JAKMIP3: variants seen among roughly 807,000 people sequenced by gnomAD.
JAKMIP3 encodes janus kinase and microtubule-interacting protein 3.
Under a neutral mutation model 118.5 loss-of-function variants are expected in JAKMIP3, and 58 were observed. That is an observed-to-expected ratio of 0.49 (90% confidence interval 0.40 to 0.61). The LOEUF (loss-of-function observed/expected upper bound fraction) is 0.61, where lower values mean the gene tolerates loss of function less well. JAKMIP3 is among the 20% of genes least tolerant of loss of function. JAKMIP3 has a pLI of 0.00. For synonymous variants in JAKMIP3, 486 were observed against 451.2 expected (o/e 1.08, Z -0.98); for missense variants, 950 against 1,109.0 (o/e 0.86, Z 2.04).
At chr10:132,089,382 G>A (rs561966232) in intron 1 of JAKMIP3, among the ~76,000 whole-genome samples, 1 of 151,970 alleles carries the variant, frequency 6.6e-6, no homozygotes, top group Admixed American at 6.6e-5. Context: ...CTTTTATTTT[G>A]TTGAGCAGTG....
intron 1 of JAKMIP3, among the ~76,000 whole-genome samples, chr10:132,068,775 G>A (rs1213202596): frequency 6.6e-6 from 1 of 152,140 alleles, no homozygotes; most frequent in African/African-American, 2.4e-5. Context: ...GATTGCCTTG[G>A]GTTTTTGACC....
In JAKMIP3 at chr10:132,142,002, TGCAGGA is replaced by T; in HGVS notation, c.1562_1567del (p.Glu521_Gln522del). 1 of 1,608,634 alleles carries T rather than the reference TGCAGGA, an allele frequency of 6.2e-7. No individual in the cohort carries two copies. Among genetic ancestry groups the T allele is most frequent in the Non-Finnish European group, 8.5e-7 (1 of 1,177,732 alleles). On this transcript the variant is annotated inframe_deletion, in exon 11 of 24. Coordinates refer to ENST00000684848, the MANE Select transcript of JAKMIP3 (RefSeq NM_001323087.2). ...GCCCTGCAGCGTGCCTACGCTTTGT[TGCAGGA>T]GCAGGTTGGAGGGACGCTGGACGCA...
At chr10:132,121,442 C>T (rs371568975) in intron 3 of JAKMIP3, among the ~76,000 whole-genome samples, 1 of 152,212 alleles carries the variant, frequency 6.6e-6, no homozygotes. Flanking sequence ...TAGCACGGGC[C>T]GGCACCTGAG....
chr10:132,126,214 T>C (rs1031098319), intron 3 of JAKMIP3, among the ~76,000 whole-genome samples: 1 of 152,224 alleles, frequency 6.6e-6, no homozygotes, highest in African/African-American at 2.4e-5. Flanking sequence ...CAGGTGAAAG[T>C]ATCAAATATT....
At chr10:132,137,331 C>T (rs2052008450) in intron 8 of JAKMIP3, 42 bp downstream of exon 8, 1 of 1,611,932 alleles carries the variant, frequency 6.2e-7, no homozygotes, top group Non-Finnish European at 8.5e-7. Flanking sequence ...CTCCGCTCCC[C>T]ACGCAGTTGC....
chr10:132,128,725 G>T (rs1336377535), intron 3 of JAKMIP3, among the ~76,000 whole-genome samples: 1 of 59,468 alleles, frequency 1.7e-5, no homozygotes, highest in Non-Finnish European at 2.7e-5. Context: ...TGTAGGATTT[G>T]AGTGCCTACT....
At chr10:132,170,347 C>T (rs937774194) in intron 23 of JAKMIP3, 5 of 152,288 alleles carry the variant, frequency 3.3e-5, no homozygotes, top group Non-Finnish European at 1.5e-5. Flanking sequence ...GACATACGCA[C>T]CTCCCCGCCA....
chr10:132,160,159 A>G (rs78539543), intron 19 of JAKMIP3, among the ~76,000 whole-genome samples: 63 of 25,516 alleles, frequency 2.5e-3, no homozygotes, highest in Middle Eastern at 0.031. Context: ...GTGTGATGCT[A>G]GGGGGTCTCT....
chr10:132,054,304 C>G lies in JAKMIP3; in HGVS notation c.-138+17566C>G, dbSNP rs1056724317. On this transcript the variant is annotated intron_variant, in intron 1 of 23. Transcript: ENST00000657785. ...TGCCTGGAAAAGGCCTGGGTACCCT[C>G]TTTTTTTCCCCAATAACTTCAATTT... 2.6e-5 allele frequency among the ~76,000 whole-genome samples: 4 copies of G among 151,962 alleles called. No individual in the cohort carries two copies. In the East Asian group the frequency reaches 7.7e-4, roughly 29 times the overall value.
chr10:132,168,136 C>G lies in JAKMIP3; in HGVS notation c.*206C>G. On this transcript the variant is annotated 3_prime_UTR_variant, in exon 23 of 24. Transcript: ENST00000684848. ...GCCGTCCACGTGGGATGTGCCAGAA[C>G]TAGAACTGGCTCTGCCGACTTCTCG... 7.8e-7 allele frequency: 1 copy of G among 1,287,210 alleles called. No homozygotes were observed. Among genetic ancestry groups the G allele is most frequent in the Non-Finnish European group, 1.0e-6 (1 of 987,428 alleles). The allele number at this position is 1,287,210 out of a possible 1,614,324, so 79.7% of individuals were successfully genotyped here.
chr10:132,082,521 C>T (rs2041904591), intron 1 of JAKMIP3, among the ~76,000 whole-genome samples: 2 of 152,290 alleles, frequency 1.3e-5, no homozygotes, highest in South Asian at 2.1e-4. Flanking sequence ...GAATAATAAT[C>T]TACAGTCTCC....
intron 1 of JAKMIP3, among the ~76,000 whole-genome samples, chr10:132,071,800 CTTCT>C (rs1357660391): frequency 8.2e-6 from 1 of 121,736 alleles, no homozygotes; most frequent in African/African-American, 3.1e-5. Context: ...TCCTTCCTTC[CTTCT>C]TTCCTTTCCT....
At chr10:132,139,987 C>A (rs1319650966) in intron 9 of JAKMIP3, among the ~76,000 whole-genome samples, 1 of 152,174 alleles carries the variant, frequency 6.6e-6, no homozygotes, top group Non-Finnish European at 1.5e-5. Flanking sequence ...CCTGGAGGGT[C>A]CCCAAAGGCA....
At chr10:132,110,584 G>A (rs141570506) in intron 2 of JAKMIP3, among the ~76,000 whole-genome samples, 17 of 152,340 alleles carry the variant, frequency 1.1e-4, no homozygotes, top group Admixed American at 2.0e-4. Context: ...ATCACATTTT[G>A]CAGACTGTGA....
At chr10:132,137,353 A>G in intron 8 of JAKMIP3, 64 bp downstream of exon 8, 1 of 1,593,346 alleles carries the variant, frequency 6.3e-7, no homozygotes, top group Non-Finnish European at 8.6e-7. Flanking sequence ...CGTGGGACCC[A>G]TTCTGTGCCC....
intron 23 of JAKMIP3, among the ~76,000 whole-genome samples, chr10:132,174,821 C>T (rs1054575922): frequency 6.6e-6 from 1 of 152,124 alleles, no homozygotes. Flanking sequence ...GGAGTGGCAT[C>T]TTATTTGGGG....
At chr10:132,136,938 G>T in intron 6 of JAKMIP3, 81 bp from the exon 7 acceptor site, 2 of 1,497,214 alleles carry the variant, frequency 1.3e-6, no homozygotes, top group Non-Finnish European at 1.8e-6. Context: ...GGTTGAGGGA[G>T]AAGACCCCCC....
chr10:132,179,180 A>T lies in JAKMIP3; in HGVS notation c.*1104-3177A>T, dbSNP rs1590053257. ...AACTTGTTCCTACACTTCATCAGCT[A>T]TCCTCGTTGCAGCCCAAGATAAAAT... On this transcript the variant is annotated intron_variant, in intron 23 of 23. Transcript: ENST00000684848. This position sits in a 1 kb window ranked among gnomAD's most constrained non-coding sequence, Gnocchi z 4.3. Among the ~76,000 whole-genome samples, 13 of 152,322 alleles carry T rather than the reference A, an allele frequency of 8.5e-5. 3 individuals are homozygous for T. The South Asian group carries it at 2.7e-3, about 32-fold the overall frequency.
intron 10 of JAKMIP3, among the ~76,000 whole-genome samples, chr10:132,140,948 G>A (rs74161729): frequency 1.3e-5 from 2 of 152,340 alleles, no homozygotes; most frequent in African/African-American, 4.8e-5. Flanking sequence ...CACTCATCAG[G>A]GAGTTTGGTC....
Sources: allele counts gnomAD v4.1 joint callset (sites outside exome capture counted in the v4.1 genomes callset), GRCh38; gene constraint gnomAD v4.1.1; non-coding constraint Gnocchi (gnomAD v3.1); transcripts MANE v1.5; gene names NCBI Gene and HGNC (gene_info 2026-07-23, HGNC 2026-07-21).